Variants in GSC2 observed in about 807,000 individuals in gnomAD.
The protein encoded by GSC2 is goosecoid homeobox 2.
Under a neutral mutation model 11.3 loss-of-function variants are expected in GSC2, and 12 were observed. That is an observed-to-expected ratio of 1.06 (90% CI 0.68 to 1.72). GSC2 has a LOEUF of 1.72. GSC2 is among the 40% of genes most tolerant of loss of function. GSC2 has a pLI of 0.00. For missense variants in GSC2, 310 were observed against 235.7 expected, an observed-to-expected ratio of 1.32 and a Z score of -2.06; for synonymous variants, 148 against 110.0, an observed-to-expected ratio of 1.35 and a Z score of -2.16.
chr22:19,149,880 G>A lies in GSC2; in HGVS notation c.296C>T (p.Ala99Val), dbSNP rs1555918121. The change falls in exon 2 of 3, where the codon GCG becomes GTG. Residue 99 changes from alanine to valine, a missense_variant. Coordinates refer to ENST00000086933, the MANE Select transcript of GSC2 (RefSeq NM_005315.2). The part of the protein sequence containing the change: ...RLAWPLRLGP[A>V]VPLSLGAPAG... ...TGGCGCACCCAGAGACAAGGGCACC[G>A]CCGGTCCCAGCCTCAGCGGCCACGC... The A allele has an allele frequency of 2.1e-6, 3 of 1,413,142 alleles. No individual in the cohort carries two copies. Among genetic ancestry groups the A allele is most frequent in the Non-Finnish European group, 2.8e-6 (3 of 1,090,806 alleles). 87.5% of individuals were successfully genotyped at this position (1,413,142 alleles called of 1,614,324 possible). A position where few individuals can be genotyped will look rare whatever the true frequency, so the allele number is the denominator to read the frequency against.
Position 19,148,087 on chromosome 22 carries a change from C to T in GSC2, c.*904G>A, listed in dbSNP as rs533207813. ...TGGCACAGATTGCTGTGAGGGAGTC[C>T]GAGCCCACAGCATGAAAACCCCAGG... On this transcript the variant is annotated 3_prime_UTR_variant, in exon 3 of 3. Transcript: ENST00000086933. Among the ~76,000 whole-genome samples, 9 of 152,246 alleles carry T rather than the reference C, an allele frequency of 5.9e-5. No individual in the cohort carries two copies. Among genetic ancestry groups the T allele is most frequent in the African/African-American group, 2.2e-4 (9 of 41,546 alleles).
At position 19,149,658 on chromosome 22, in the gene GSC2, C is replaced by G. The variant is rs752698309; in HGVS notation, c.513+5G>C. The G allele has an allele frequency of 1.0e-4, 161 of 1,534,080 alleles. No individual in the cohort carries two copies. The highest frequency in any genetic ancestry group is 1.4e-4 in the Non-Finnish European group (155 of 1,145,278). On this transcript the variant is annotated splice_donor_5th_base_variant and intron_variant, in intron 2 of 2. Coordinates refer to ENST00000086933, the MANE Select transcript of GSC2 (RefSeq NM_005315.2). ...CTCCGGGGAAAGGCTGGGCGGGGCA[C>G]TCACCTCCACGCGCTCCTCGCGAAG...
Position 19,150,123 on chromosome 22 carries a change from T to A in GSC2, c.161A>T (p.Glu54Val). The A allele has an allele frequency of 2.0e-6, 2 of 983,594 alleles. No homozygotes were observed. Among genetic ancestry groups the A allele is most frequent in the Non-Finnish European group, 2.4e-6 (2 of 822,260 alleles). 60.9% of individuals were successfully genotyped at this position (983,594 alleles called of 1,614,324 possible). ...PAGRQSPAKP[E>V]EPGAPEAAPC... The stretch of plus-strand genomic sequence containing the variant: ...CGCAGCCTCGGGCGCCCCGGGCTCC[T>A]CTGGCTTCGCGGGGCTCTGGCGACC... The change falls in exon 1 of 3, where the codon GAG becomes GTG. Residue 54 changes from glutamate (E) to valine (V), a missense_variant. Glu to Val is a moderately radical substitution (Grantham distance 121). Transcript: ENST00000086933.
Position 19,147,888 on chromosome 22 carries a change from G to C in GSC2, c.*1103C>G, listed in dbSNP as rs563855354. On this transcript the variant is annotated 3_prime_UTR_variant, in exon 3 of 3. Coordinates refer to ENST00000086933, the MANE Select transcript of GSC2 (RefSeq NM_005315.2). ...AGAACGAGGTGCTCAAGCCAGCTGG[G>C]GGTGGGGATGTGAGATGCTTTGGAC... Among the ~76,000 whole-genome samples, 2 of 152,126 alleles carry C rather than the reference G, an allele frequency of 1.3e-5. No homozygotes were observed. Among genetic ancestry groups the C allele is most frequent in the Admixed American group, 1.3e-4 (2 of 15,282 alleles).
chr22:19,149,263 C>A (rs1555917890), intron 2 of GSC2, among the ~76,000 whole-genome samples, 168 bp from the exon 3 acceptor site: 1 of 152,184 alleles, frequency 6.6e-6, no homozygotes, highest in Non-Finnish European at 1.5e-5. Flanking sequence ...TTATTCGCTG[C>A]GGACAGACTC....
At position 19,150,070 on chromosome 22, in the gene GSC2, G is replaced by T; in HGVS notation, c.214C>A (p.Pro72Thr). ...GGGGGCCCGCAGGGCGCCGCGCGGG[G>T]GCCGCAGCAGCAGCAGCAGGCGCAG... is the stretch of plus-strand genomic sequence containing the variant. ...APCACCCCCG[P>T]RAAPCGPPEA... Residue 72 changes from proline to threonine, a missense_variant, in exon 1 of 3, where the codon CCC becomes ACC. Pro to Thr is a conservative substitution (Grantham distance 38). Coordinates refer to ENST00000086933, the MANE Select transcript of GSC2 (RefSeq NM_005315.2). 1 of 999,608 alleles carries T rather than the reference G, an allele frequency of 1.0e-6. No individual in the cohort carries two copies. Among genetic ancestry groups the T allele is most frequent in the Non-Finnish European group, 1.2e-6 (1 of 840,792 alleles). 61.9% of individuals were successfully genotyped at this position (999,608 alleles called of 1,614,324 possible).
At chr22:19,149,602 A>G in intron 2 of GSC2, 61 bp downstream of exon 2, 3 of 1,412,966 alleles carry the variant, frequency 2.1e-6, no homozygotes, top group Non-Finnish European at 2.8e-6. Context: ...GCCCGCCAGG[A>G]CCCCAGTCCA....
rs190857897 is a variant in GSC2, at chr22:19,148,193, C to T, written c.*798G>A. ...CTGGACCCCAGGGGTCCAAGGCCAC[C>T]ATCCGTGGAGCAGTCCCCTCTGCTG... On this transcript the variant is annotated 3_prime_UTR_variant, in exon 3 of 3. Transcript: ENST00000086933. 2.1e-3 allele frequency among the ~76,000 whole-genome samples: 322 copies of T among 152,324 alleles called. 5 individuals are homozygous for T. The highest frequency in any genetic ancestry group is 4.1e-4 in the Non-Finnish European group (28 of 68,012).
In GSC2 at chr22:19,150,075, C is replaced by T; in HGVS notation, c.209G>A (p.Cys70Tyr). ...CCCGCAGGGCGCCGCGCGGGGGCCG[C>T]AGCAGCAGCAGCAGGCGCAGGGCGC... ...EAAPCACCCCCGPRAAPCGPP... is the reference protein window; with the variant it reads ...EAAPCACCCCYGPRAAPCGPP... Residue 70 changes from cysteine to tyrosine, a missense_variant, in exon 1 of 3, where the codon TGC becomes TAC. Coordinates refer to ENST00000086933, the MANE Select transcript of GSC2 (RefSeq NM_005315.2). The T allele has an allele frequency of 2.1e-6, 2 of 959,580 alleles. No individual in the cohort carries two copies. Among genetic ancestry groups the T allele is most frequent in the Non-Finnish European group, 2.5e-6 (2 of 805,998 alleles). The allele number at this position is 959,580 out of a possible 1,614,324, so 59.4% of individuals were successfully genotyped here. A position where few individuals can be genotyped will look rare whatever the true frequency, so the allele number is the denominator to read the frequency against.
rs950478495 is a variant in GSC2 at position 19,148,208 on chromosome 22, C to T, written c.*783G>A. On this transcript the variant is annotated 3_prime_UTR_variant, in exon 3 of 3. Transcript: ENST00000086933. ...CCAAGGCCACCATCCGTGGAGCAGT[C>T]CCCTCTGCTGGGGAGCACCCTGGTG... Among the ~76,000 whole-genome samples the T allele has an allele frequency of 3.9e-5, 6 of 152,286 alleles. No individual in the cohort carries two copies. In the South Asian group the frequency reaches 1.2e-3, roughly 32 times the overall value.
intron 2 of GSC2, 42 bp from the exon 3 acceptor site, chr22:19,149,137 C>A (rs1303572166): frequency 4.9e-6 from 6 of 1,220,516 alleles, no homozygotes; most frequent in Non-Finnish European, 5.7e-6. Flanking sequence ...CCAGGTCCTG[C>A]GTCCCACCGG....
In GSC2 at chr22:19,148,790, C is replaced by T; in HGVS notation, c.*201G>A. ...CCACCCCCAAGGGACTCGCCACTCC[C>T]ACTGCCGTGGAACACCAAGCACCGG... On this transcript the variant is annotated 3_prime_UTR_variant, in exon 3 of 3. Coordinates refer to ENST00000086933, the MANE Select transcript of GSC2 (RefSeq NM_005315.2). 1.9e-6 allele frequency: 1 copy of T among 540,122 alleles called. No individual in the cohort carries two copies. The highest frequency in any genetic ancestry group is 3.3e-6 in the Non-Finnish European group (1 of 304,830). 33.5% of individuals were successfully genotyped at this position (540,122 alleles called of 1,614,324 possible). A position where few individuals can be genotyped will look rare whatever the true frequency, so the allele number is the denominator to read the frequency against.
rs1555918034 is a variant in GSC2, at chr22:19,149,668, C to T, written c.508G>A (p.Val170Met). 2.6e-6 allele frequency: 4 copies of T among 1,544,392 alleles called. No homozygotes were observed. Among genetic ancestry groups the T allele is most frequent in the Non-Finnish European group, 3.5e-6 (4 of 1,149,784 alleles). ...AGRIRLREER[V>M]EVWFKNRRAK... ...AGGCTGGGCGGGGCACTCACCTCCACGCGCTCCTCGCGAAGGCGGATGCGG... is the reference window on the plus strand; with the variant it reads ...AGGCTGGGCGGGGCACTCACCTCCATGCGCTCCTCGCGAAGGCGGATGCGG... The change falls in exon 2 of 3, where the codon GTG (valine) becomes ATG (methionine). Residue 170 changes from valine (V) to methionine (M), a missense_variant. Transcript: ENST00000086933.
At position 19,149,664 on chromosome 22, in the gene GSC2, T is replaced by C; in HGVS notation, c.512A>G (p.Glu171Gly). Residue 171 changes from glutamate to glycine, a missense_variant and splice_region_variant, in exon 2 of 3, where the codon GAG becomes GGG. By Grantham distance (98) the Glu-to-Gly change is moderately conservative. Coordinates refer to ENST00000086933, the MANE Select transcript of GSC2 (RefSeq NM_005315.2). ...GRIRLREERVEVWFKNRRAKW... is the reference protein window; with the variant it reads ...GRIRLREERVGVWFKNRRAKW... ...GGAAAGGCTGGGCGGGGCACTCACC[T>C]CCACGCGCTCCTCGCGAAGGCGGAT... The C allele has an allele frequency of 6.5e-7, 1 of 1,541,316 alleles. No individual in the cohort carries two copies. Among genetic ancestry groups the C allele is most frequent in the East Asian group, 2.6e-5 (1 of 38,840 alleles).
Position 19,149,741 on chromosome 22 carries a change from G to C in GSC2, c.435C>G (p.Phe145Leu). 6.3e-7 allele frequency: 1 copy of C among 1,594,514 alleles called. No individual in the cohort carries two copies. Among genetic ancestry groups the C allele is most frequent in the Non-Finnish European group, 8.5e-7 (1 of 1,172,392 alleles). ...EEQLQALEAL[F>L]VQNQYPDVST... ...TCACGTCAGGATACTGGTTCTGCAC[G>C]AAAAGCGCCTCGAGCGCCTGCAGCT... The change falls in exon 2 of 3, where the codon TTC (phenylalanine) becomes TTG (leucine). Residue 145 changes from phenylalanine (F) to leucine (L), a missense_variant. By Grantham distance (22) the Phe-to-Leu change is conservative. Transcript: ENST00000086933.
chr22:19,149,147 G>T, intron 2 of GSC2, 52 bp from the exon 3 acceptor site: 1 of 1,120,982 alleles, frequency 8.9e-7, no homozygotes, highest in Non-Finnish European at 1.3e-6. Context: ...CGTCCCACCG[G>T]CTCCCGAGGG....
chr22:19,149,596 G>A, intron 2 of GSC2, 67 bp downstream of exon 2: 3 of 1,404,114 alleles, frequency 2.1e-6, no homozygotes, highest in Non-Finnish European at 2.8e-6. Context: ...GCGCCCGCCC[G>A]CCAGGACCCC....
At position 19,150,093 on chromosome 22, in the gene GSC2, C is replaced by T; in HGVS notation, c.191G>A (p.Cys64Tyr). 1 of 1,003,792 alleles carries T rather than the reference C, an allele frequency of 1.0e-6. No individual in the cohort carries two copies. Among genetic ancestry groups the T allele is most frequent in the Non-Finnish European group, 1.2e-6 (1 of 843,272 alleles). 62.2% of individuals were successfully genotyped at this position (1,003,792 alleles called of 1,614,324 possible). The change falls in exon 1 of 3, where the codon TGC becomes TAC. Residue 64 changes from cysteine (C) to tyrosine (Y), a missense_variant. Transcript: ENST00000086933. ...GGGGCCGCAGCAGCAGCAGCAGGCG[C>T]AGGGCGCAGCCTCGGGCGCCCCGGG... ...EEPGAPEAAP[C>Y]ACCCCCGPRA...
At position 19,148,624 on chromosome 22, in the gene GSC2, C is replaced by A. The variant is rs964392835; in HGVS notation, c.*367G>T. Reference sequence around the variant, plus strand: ...AATGTCCACATTGAGAAGAGGGTGGCCAGCATGTCCCAGGGTGCGGAGAGA... The same window carrying A: ...AATGTCCACATTGAGAAGAGGGTGGACAGCATGTCCCAGGGTGCGGAGAGA... On this transcript the variant is annotated 3_prime_UTR_variant, in exon 3 of 3. Coordinates refer to ENST00000086933, the MANE Select transcript of GSC2 (RefSeq NM_005315.2). The A allele has an allele frequency of 2.1e-4, 42 of 203,476 alleles. No homozygotes were observed. Among genetic ancestry groups the A allele is most frequent in the African/African-American group, 9.5e-4 (41 of 43,114 alleles). The allele number at this position is 203,476 out of a possible 1,614,324, so 12.6% of individuals were successfully genotyped here. A position where few individuals can be genotyped will look rare whatever the true frequency, so the allele number is the denominator to read the frequency against.
Sources: allele counts gnomAD v4.1 joint callset (sites outside exome capture counted in the v4.1 genomes callset), GRCh38; gene constraint gnomAD v4.1.1; transcripts MANE v1.5; gene names NCBI Gene and HGNC (gene_info 2026-07-23, HGNC 2026-07-21).